DDX10: variants seen among roughly 807,000 people sequenced by gnomAD.
DDX10 encodes DEAD-box helicase 10.
Under a neutral mutation model 104.3 loss-of-function variants are expected in DDX10, and 74 were observed. The ratio of observed to expected loss-of-function variants is 0.71; its 90% CI spans 0.59 to 0.86. DDX10 has a LOEUF of 0.86. DDX10 is among the 40% of genes least tolerant of loss of function. DDX10 has a pLI of 0.00. For missense variants in DDX10, 952 were observed against 1,040.0 expected, an observed-to-expected ratio of 0.92 and a Z score of 1.16; for synonymous variants, 351 against 353.4, an observed-to-expected ratio of 0.99 and a Z score of 0.08.
In DDX10 at chr11:108,917,934, G is replaced by T. The variant is rs866055948; in HGVS notation, c.2366G>T (p.Gly789Val). The T allele has an allele frequency of 6.2e-7, 1 of 1,604,188 alleles. No individual in the cohort carries two copies. The highest frequency in any genetic ancestry group is 8.5e-7 in the Non-Finnish European group (1 of 1,176,702). The change falls in exon 17 of 18, where the codon GGA becomes GTA. Residue 789 changes from glycine (G) to valine (V), a missense_variant. Physicochemically the swap from Gly to Val is moderately radical, Grantham distance 109. Transcript: ENST00000322536. ...GATGATGATGATGATGATGATGATG[G>T]ATTTGATCCAAGCACACTCCCAGAT... Reference protein sequence around the residue: ...WSDDDDDDDDGFDPSTLPDPD... With the variant: ...WSDDDDDDDDVFDPSTLPDPD...
chr11:108,900,410 G>A (rs1180943589), intron 16 of DDX10, among the ~76,000 whole-genome samples: 1 of 152,176 alleles, frequency 6.6e-6, no homozygotes, highest in Non-Finnish European at 1.5e-5. Flanking sequence ...TATCAGCTCA[G>A]AATTCCAGGT....
At chr11:108,849,585 T>C (rs2134603462) in intron 15 of DDX10, among the ~76,000 whole-genome samples, 1 of 152,236 alleles carries the variant, frequency 6.6e-6, no homozygotes, top group Non-Finnish European at 1.5e-5. Flanking sequence ...ATTTTCTGTT[T>C]TTCTGTCCCT....
chr11:108,938,901 G>A (rs563048081), intron 17 of DDX10, among the ~76,000 whole-genome samples: 6 of 152,284 alleles, frequency 3.9e-5, no homozygotes, highest in South Asian at 2.1e-4. Context: ...AATCCAGGCC[G>A]TTGGAAGTTG....
chr11:108,905,462 TC>T (rs1433486955), intron 16 of DDX10, among the ~76,000 whole-genome samples: 1 of 152,174 alleles, frequency 6.6e-6, no homozygotes, highest in Non-Finnish European at 1.5e-5. Context: ...TCCTTTTTTT[TC>T]AATTTACATA....
Position 108,859,823 on chromosome 11 carries a change from C to T in DDX10, c.2304+7614C>T, listed in dbSNP as rs1013488055. 5.9e-5 allele frequency among the ~76,000 whole-genome samples: 9 copies of T among 152,106 alleles called. 1 individual carries two copies. Among genetic ancestry groups the T allele is most frequent in the African/African-American group, 1.2e-4 (5 of 41,416 alleles). ...TGTGGGTATGTGTGGATGTGACCAT[C>T]GTGATTGTGGAGACTGATACTTAGG... On this transcript the variant is annotated intron_variant, in intron 16 of 17. Transcript: ENST00000322536.
chr11:108,916,234 A>G (rs938307784), intron 16 of DDX10, among the ~76,000 whole-genome samples: 1 of 152,076 alleles, frequency 6.6e-6, no homozygotes, highest in African/African-American at 2.4e-5. Context: ...CAGACGGGAA[A>G]ATTAGAAATA....
At chr11:108,770,803 C>A (rs989056399) in intron 13 of DDX10, among the ~76,000 whole-genome samples, 1 of 151,688 alleles carries the variant, frequency 6.6e-6, no homozygotes, top group Non-Finnish European at 1.5e-5. Flanking sequence ...TCCAGTGTTG[C>A]AACAAACATT....
At chr11:108,794,704 C>G (rs1448627090) in intron 13 of DDX10, among the ~76,000 whole-genome samples, 1 of 152,090 alleles carries the variant, frequency 6.6e-6, no homozygotes, top group Non-Finnish European at 1.5e-5. Flanking sequence ...ACTTTTCTTT[C>G]CTGGCATGTA....
intron 12 of DDX10, 141 bp from the exon 13 acceptor site, chr11:108,722,856 G>C: frequency 7.6e-7 from 1 of 1,317,732 alleles, no homozygotes; most frequent in Non-Finnish European, 1.0e-6. Context: ...CAACTAACCT[G>C]TTAGTATTGA....
intron 16 of DDX10, among the ~76,000 whole-genome samples, chr11:108,867,069 T>C (rs1158549385): frequency 6.6e-6 from 1 of 152,114 alleles, no homozygotes; most frequent in African/African-American, 2.4e-5. Context: ...CGTGGAAATA[T>C]TATAATAACA....
intron 16 of DDX10, among the ~76,000 whole-genome samples, chr11:108,891,474 A>G (rs888547558): frequency 2.0e-5 from 3 of 152,178 alleles, no homozygotes; most frequent in Non-Finnish European, 2.9e-5. Context: ...TGAACAACAC[A>G]TTCTTTCAAT....
chr11:108,685,411 A>G (rs2094242415), intron 6 of DDX10, among the ~76,000 whole-genome samples: 1 of 151,034 alleles, frequency 6.6e-6, no homozygotes, highest in Admixed American at 6.6e-5. Context: ...GCGCACACAC[A>G]CTGGCCTGCG....
At chr11:108,808,033 T>C (rs1862124028) in intron 13 of DDX10, among the ~76,000 whole-genome samples, 1 of 152,198 alleles carries the variant, frequency 6.6e-6, no homozygotes, top group South Asian at 2.1e-4. Context: ...AATAGCCTTA[T>C]GATGTATCCG....
rs757708171 is a variant in DDX10 at position 108,665,274 on chromosome 11, C to T, written c.121C>T (p.Leu41=). ...CAAAAAGAAGCAGTTGAGGAAGCAA[C>T]TGAAGAAACCCGAATGGCAGGTCGA... ...QNKKKQLRKQ[L]KKPEWQVERE... Residue 41 remains leucine, a synonymous_variant, in exon 1 of 18, where the codon CTG becomes TTG. Coordinates refer to ENST00000322536, the MANE Select transcript of DDX10 (RefSeq NM_004398.4). 1 of 1,608,642 alleles carries T rather than the reference C, an allele frequency of 6.2e-7. No individual in the cohort carries two copies. The highest frequency in any genetic ancestry group is 1.1e-5 in the South Asian group (1 of 90,182).
chr11:108,839,029 A>G (rs957600654), intron 14 of DDX10, among the ~76,000 whole-genome samples: 12 of 152,228 alleles, frequency 7.9e-5, no homozygotes, highest in African/African-American at 2.7e-4. Flanking sequence ...AGTCTCAGAC[A>G]CAGAGGTGCC....
At chr11:108,669,128 C>T (rs983805269) in intron 1 of DDX10, among the ~76,000 whole-genome samples, 3 of 150,378 alleles carry the variant, frequency 2.0e-5, no homozygotes, top group Non-Finnish European at 4.4e-5. Context: ...GAGTCTCACT[C>T]TATCACCCAG....
chr11:108,713,552 A>G (rs1290347498), intron 10 of DDX10, among the ~76,000 whole-genome samples: 2 of 152,028 alleles, frequency 1.3e-5, no homozygotes, highest in African/African-American at 2.4e-5. Context: ...TCATCTGTGC[A>G]TGCTGCCTGT....
intron 13 of DDX10, among the ~76,000 whole-genome samples, chr11:108,784,608 A>G (rs887958314): frequency 3.9e-5 from 6 of 152,172 alleles, no homozygotes; most frequent in Non-Finnish European, 1.5e-5. Flanking sequence ...TCAAATGTCA[A>G]AATAATTGCA....
At chr11:108,811,968 G>A (rs1862189044) in intron 13 of DDX10, among the ~76,000 whole-genome samples, 1 of 152,116 alleles carries the variant, frequency 6.6e-6, no homozygotes, top group South Asian at 2.1e-4. Flanking sequence ...ATGTATTGCA[G>A]TTATACTTAT....
Sources: gnomAD v4.1 joint callset for allele counts (sites outside exome capture counted in the v4.1 genomes callset) on GRCh38, gnomAD v4.1.1 for gene constraint, MANE v1.5 for transcripts, NCBI Gene and HGNC (gene_info 2026-07-23, HGNC 2026-07-21) for gene names.